Variants in SLC39A12 observed in about 807,000 individuals in gnomAD.
SLC39A12 encodes the protein solute carrier family 39 member 12.
Under a neutral mutation model 71.1 loss-of-function variants are expected in SLC39A12, and 63 were observed. The ratio of observed to expected loss-of-function variants is 0.89; its 90% CI spans 0.72 to 1.09. SLC39A12 has a LOEUF of 1.09. Among genes scored for constraint, SLC39A12 ranks in the 50% least tolerant of loss-of-function variants. The probability of loss-of-function intolerance (pLI) is 0.00; values close to 1 mark genes in which losing one functional copy is unlikely to be tolerated. For missense variants in SLC39A12, 892 were observed against 812.6 expected (o/e 1.10, Z -1.19); for synonymous variants, 351 against 301.3 (o/e 1.16, Z -1.71).
intron 6 of SLC39A12, 50 bp from the exon 7 acceptor site, chr10:17,987,429 G>T (rs1466899791): frequency 6.3e-7 from 1 of 1,586,474 alleles, no homozygotes; most frequent in Non-Finnish European, 8.6e-7. Flanking sequence ...GCTGAGGCCG[G>T]AATGGAGGGC....
Position 17,991,139 on chromosome 10 carries a change from T to TTTTCC in SLC39A12, c.1270-10_1270-9insTCCTT. ...TTTCTCTCTGCCTTTTTTTTTTTTTTTTCCCCTGAAGGTTCTTGGTTTACA... is the reference window on the plus strand; with the variant it reads ...TTTCTCTCTGCCTTTTTTTTTTTTTTTTTCCTTCCCCTGAAGGTTCTTGGTTTACA... On this transcript the variant is annotated splice_polypyrimidine_tract_variant and intron_variant, in intron 7 of 12. Coordinates refer to ENST00000377369, the MANE Select transcript of SLC39A12 (RefSeq NM_001145195.2). The TTTTCC allele has an allele frequency of 6.5e-7, 1 of 1,533,766 alleles. No individual in the cohort carries two copies. The highest frequency in any genetic ancestry group is 8.7e-7 in the Non-Finnish European group (1 of 1,152,354).
chr10:18,024,648 C>T (rs938977330), intron 12 of SLC39A12, among the ~76,000 whole-genome samples: 1 of 152,190 alleles, frequency 6.6e-6, no homozygotes, highest in Non-Finnish European at 1.5e-5. Flanking sequence ...ACGCTAGCTA[C>T]TTCTAGTGAG....
In SLC39A12 at chr10:17,953,548, T is replaced by C; in HGVS notation, c.261+11T>C. ...GGAGATTGCAATCTGGTTAGTGAAA[T>C]AGAATGGGGTCAGGTATCAGGGCAT... On this transcript the variant is annotated intron_variant, in intron 2 of 12. Coordinates refer to ENST00000377369, the MANE Select transcript of SLC39A12 (RefSeq NM_001145195.2). 4 of 1,613,492 alleles carry C rather than the reference T, an allele frequency of 2.5e-6. No individual in the cohort carries two copies. Among genetic ancestry groups the C allele is most frequent in the East Asian group, 2.2e-5 (1 of 44,872 alleles).
At chr10:18,008,689 T>A (rs1836109091) in intron 12 of SLC39A12, 4 of 152,150 alleles carry the variant, frequency 2.6e-5, no homozygotes, top group Admixed American at 2.6e-4. Flanking sequence ...AGTACCTAAG[T>A]TTACAGGAAC....
chr10:18,014,385 AATT>A (rs1836319795), intron 12 of SLC39A12, among the ~76,000 whole-genome samples: 1 of 152,172 alleles, frequency 6.6e-6, no homozygotes, highest in African/African-American at 2.4e-5. Flanking sequence ...CTGCTTAACA[AATT>A]ATTATTTAAC....
intron 3 of SLC39A12, among the ~76,000 whole-genome samples, 196 bp from the exon 4 acceptor site, chr10:17,965,287 C>G (rs550165883): frequency 6.6e-6 from 1 of 151,946 alleles, no homozygotes; most frequent in Non-Finnish European, 1.5e-5. Flanking sequence ...AATTCAGTGC[C>G]ATGGTAGATA....
intron 12 of SLC39A12, among the ~76,000 whole-genome samples, chr10:18,020,866 A>G (rs544829439): frequency 6.6e-6 from 1 of 152,180 alleles, no homozygotes; most frequent in South Asian, 2.1e-4. Flanking sequence ...GATTTTGGAT[A>G]TTAGACCTTT....
chr10:17,985,790 T>C (rs1026409169), intron 6 of SLC39A12, among the ~76,000 whole-genome samples: 1 of 152,078 alleles, frequency 6.6e-6, no homozygotes, highest in African/African-American at 2.4e-5. Context: ...TCCCTTCATA[T>C]ATATATATTT....
chr10:17,988,723 G>A (rs72778339), intron 7 of SLC39A12, among the ~76,000 whole-genome samples: 1,802 of 152,254 alleles, frequency 0.012, 19 homozygotes, highest in Non-Finnish European at 0.021. Context: ...AGAGGCAGTG[G>A]CATCTGTGCC....
intron 4 of SLC39A12, among the ~76,000 whole-genome samples, chr10:17,974,800 A>G (rs77575416): frequency 0.023 from 3,441 of 152,210 alleles, 114 homozygotes; most frequent in African/African-American, 0.074. Context: ...TTGGGACTCT[A>G]CAATTAGCAG....
chr10:17,965,639 A>T lies in SLC39A12; in HGVS notation c.700A>T (p.Thr234Ser). The T allele has an allele frequency of 6.2e-7, 1 of 1,614,166 alleles. No homozygotes were observed. Among genetic ancestry groups the T allele is most frequent in the Non-Finnish European group, 8.5e-7 (1 of 1,180,022 alleles). The change falls in exon 4 of 13, where the codon ACA (threonine) becomes TCA (serine). Residue 234 changes from threonine (T) to serine (S), a missense_variant. By Grantham distance (58) the Thr-to-Ser change is moderately conservative. Transcript: ENST00000377369. The part of the protein sequence containing the change: ...QGNLPSPDYF[T>S]EYIFSSLNRT... ...AAACTTGCCTTCCCCAGACTACTTT[A>T]CAGAATATATTTTCAGTTCCTTGAA...
chr10:17,986,244 A>G (rs1835393303), intron 6 of SLC39A12, among the ~76,000 whole-genome samples: 1 of 152,174 alleles, frequency 6.6e-6, no homozygotes. Context: ...GTTGGAGGTG[A>G]GCTCAGTCCT....
In SLC39A12 at chr10:17,985,229, G is replaced by T. The variant is rs535014089; in HGVS notation, c.1097-2250G>T. Reference sequence around the variant, plus strand: ...ATGGTGGTGGGCACCTGTAGTCCCAGCTACGCAGGAGGCTGAAGCAGGAGA... The same window carrying T: ...ATGGTGGTGGGCACCTGTAGTCCCATCTACGCAGGAGGCTGAAGCAGGAGA... On this transcript the variant is annotated intron_variant, in intron 6 of 12. Transcript: ENST00000377369. 2.6e-3 allele frequency among the ~76,000 whole-genome samples: 398 copies of T among 152,268 alleles called. 3 individuals are homozygous for T. Among genetic ancestry groups the T allele is most frequent in the Non-Finnish European group, 4.8e-3 (324 of 68,014 alleles).
intron 12 of SLC39A12, among the ~76,000 whole-genome samples, chr10:18,004,723 C>T (rs921494576): frequency 9.9e-5 from 15 of 152,196 alleles, no homozygotes; most frequent in East Asian, 7.7e-4. Context: ...AATTTTGACC[C>T]AGCAATCCCA....
chr10:17,952,226 C>T (rs895930291), intron 1 of SLC39A12, among the ~76,000 whole-genome samples: 2 of 152,106 alleles, frequency 1.3e-5, no homozygotes, highest in Non-Finnish European at 2.9e-5. Context: ...TGCCTTAAGC[C>T]ATCAACAGAA....
intron 4 of SLC39A12, among the ~76,000 whole-genome samples, chr10:17,970,671 AGTTTGTGTGTGTGT>A (rs2130793142): frequency 8.4e-6 from 1 of 118,926 alleles, no homozygotes; most frequent in East Asian, 2.6e-4. Flanking sequence ...CAGTTCTAAT[AGTTTGTGTGTGTGT>A]GTGTGTGTGT....
At chr10:17,963,702 G>A (rs1317163798) in intron 3 of SLC39A12, among the ~76,000 whole-genome samples, 1 of 152,138 alleles carries the variant, frequency 6.6e-6, no homozygotes, top group African/African-American at 2.4e-5. Flanking sequence ...CACATCAGCT[G>A]TTCTTTCTGA....
At chr10:17,954,315 A>G (rs1834484116) in intron 2 of SLC39A12, among the ~76,000 whole-genome samples, 1 of 152,144 alleles carries the variant, frequency 6.6e-6, no homozygotes, top group Admixed American at 6.5e-5. Flanking sequence ...GTGCAATGGC[A>G]TAATCTTGGT....
chr10:17,979,124 A>G (rs945574919), intron 5 of SLC39A12, among the ~76,000 whole-genome samples: 1 of 152,346 alleles, frequency 6.6e-6, no homozygotes, highest in African/African-American at 2.4e-5. Flanking sequence ...TCAAAATTAC[A>G]TAGGAAGGAA....
Sources: allele counts gnomAD v4.1 joint callset (sites outside exome capture counted in the v4.1 genomes callset), GRCh38; gene constraint gnomAD v4.1.1; transcripts MANE v1.5; gene names NCBI Gene and HGNC (gene_info 2026-07-23, HGNC 2026-07-21).